The following DDB2 variants were observed in gnomAD, a reference collection of about 807,000 sequenced individuals.
The protein encoded by DDB2 is damage specific DNA binding protein 2.
A neutral mutation model predicts 50.5 loss-of-function variants in DDB2; 27 were observed. That is an observed-to-expected ratio of 0.53 (90% CI 0.39 to 0.74). The LOEUF is 0.74. Among genes scored for constraint, DDB2 ranks in the 30% least tolerant of loss-of-function variants. The pLI, the probability that DDB2 is intolerant of heterozygous loss-of-function variation, is 0.00. For missense variants in DDB2, 424 were observed against 545.6 expected, an observed-to-expected ratio of 0.78 and a Z score of 2.22; for synonymous variants, 176 against 205.5, an observed-to-expected ratio of 0.86 and a Z score of 1.23.
chr11:47,230,377 T>A (rs1033749486), intron 3 of DDB2, among the ~76,000 whole-genome samples: 2 of 152,202 alleles, frequency 1.3e-5, no homozygotes, highest in Non-Finnish European at 2.9e-5. Flanking sequence ...TTTTTGCAAC[T>A]CATTATCAAG....
intron 3 of DDB2, among the ~76,000 whole-genome samples, chr11:47,218,634 C>A (rs1054762869): frequency 5.3e-5 from 8 of 151,938 alleles, no homozygotes; most frequent in Non-Finnish European, 1.2e-4. Context: ...CCCTCTAGGA[C>A]CTTTAGCCAG....
At chr11:47,220,568 T>A (rs1038012896) in intron 3 of DDB2, 2 of 152,230 alleles carry the variant, frequency 1.3e-5, no homozygotes, top group African/African-American at 4.8e-5. Flanking sequence ...AAACTTTCTT[T>A]ACACTGTAAT....
At chr11:47,235,926 C>CTTTTTTTTTTTTT (rs10677833) in intron 7 of DDB2, 2 of 61,824 alleles carry the variant, frequency 3.2e-5, no homozygotes, top group African/African-American at 1.3e-4. Flanking sequence ...CAGGCTGATC[C>CTTTTTTTTTTTTT]TTTTTTTTTT....
Position 47,215,053 on chromosome 11 carries a change from C to T in DDB2, c.-84C>T. ...TGTGGCCCCGCAGTTTTGTAGTCCC[C>T]GCCTTGTTTCTCCCCAGAGGCCTCT... On this transcript the variant is annotated 5_prime_UTR_variant, in exon 1 of 10. Transcript: ENST00000256996. 6.2e-7 allele frequency: 1 copy of T among 1,604,604 alleles called. No homozygotes were observed. The highest frequency in any genetic ancestry group is 1.7e-5 in the Admixed American group (1 of 59,942).
At chr11:47,214,788 T>C (rs1267425041), upstream of DDB2, 5 of 336,466 alleles carry the variant, frequency 1.5e-5, no homozygotes, top group South Asian at 3.0e-5. Context: ...AAAAAAAAAA[T>C]CCATAAAGCC....
At chr11:47,230,517 A>G (rs952937457) in intron 3 of DDB2, among the ~76,000 whole-genome samples, 1 of 152,242 alleles carries the variant, frequency 6.6e-6, no homozygotes, top group Non-Finnish European at 1.5e-5. Flanking sequence ...TGGAATAAAC[A>G]GGTTTGAGAA....
In DDB2 at chr11:47,234,929, A is replaced by C. The variant is rs1565156594; in HGVS notation, c.875A>C (p.Asn292Thr). ...TCGCTGCCGCACAGGCATCCTGTCA[A>C]CGCAGGTGTGATATCCCAGACCTCA... The part of the protein sequence containing the change: ...LYSLPHRHPV[N>T]AACFSPDGAR... Residue 292 changes from asparagine (N) to threonine (T), a missense_variant, in exon 6 of 10, where the codon AAC becomes ACC. By Grantham distance (65) the Asn-to-Thr change is moderately conservative. Coordinates refer to ENST00000256996, the MANE Select transcript of DDB2 (RefSeq NM_000107.3). 5.0e-6 allele frequency: 8 copies of C among 1,614,164 alleles called. No individual in the cohort carries two copies. The highest frequency in any genetic ancestry group is 6.8e-6 in the Non-Finnish European group (8 of 1,180,028).
chr11:47,228,717 G>C (rs1398280453), intron 3 of DDB2, among the ~76,000 whole-genome samples: 1 of 150,856 alleles, frequency 6.6e-6, no homozygotes, highest in East Asian at 1.9e-4. Context: ...TGACTGTTGG[G>C]AGGCCGAGGC....
At chr11:47,222,119 A>T (rs1953494275) in intron 3 of DDB2, among the ~76,000 whole-genome samples, 1 of 152,226 alleles carries the variant, frequency 6.6e-6, no homozygotes, top group East Asian at 1.9e-4. Context: ...GGAGAGTGAT[A>T]GATAGATGAG....
At position 47,232,919 on chromosome 11, in the gene DDB2, G is replaced by A. The variant is rs768530307; in HGVS notation, c.562G>A (p.Gly188Ser). 1.2e-6 allele frequency: 2 copies of A among 1,614,180 alleles called. No individual in the cohort carries two copies. Among genetic ancestry groups the A allele is most frequent in the South Asian group, 2.2e-5 (2 of 91,078 alleles). Residue 188 changes from glycine (G) to serine (S), a missense_variant, in exon 4 of 10, where the codon GGC becomes AGC. Physicochemically the swap from Gly to Ser is moderately conservative, Grantham distance 56 (BLOSUM62 0). Coordinates refer to ENST00000256996, the MANE Select transcript of DDB2 (RefSeq NM_000107.3). ...EGTTRLQDFK[G>S]NILRVFASSD... ...AACAACTAGGCTGCAAGACTTTAAA[G>A]GCAACATTCTACGAGTTTTTGCCAG...
intron 3 of DDB2, among the ~76,000 whole-genome samples, chr11:47,226,347 C>T (rs1412860227): frequency 1.3e-5 from 2 of 151,602 alleles, no homozygotes; most frequent in Non-Finnish European, 2.9e-5. Context: ...ACAGCCTCAG[C>T]TTACTGCAAC....
At chr11:47,235,110 A>G in intron 6 of DDB2, 160 bp from the exon 7 acceptor site, 1 of 1,325,314 alleles carries the variant, frequency 7.5e-7, no homozygotes, top group Non-Finnish European at 1.1e-6. Context: ...GAGTTTCCAG[A>G]ATTTTTTTGT....
intron 3 of DDB2, among the ~76,000 whole-genome samples, chr11:47,231,131 A>C (rs895025703): frequency 5.6e-4 from 84 of 151,176 alleles, no homozygotes; most frequent in African/African-American, 1.7e-3. Flanking sequence ...AAAAAAAAAA[A>C]AAAAAAAAAA....
intron 4 of DDB2, 140 bp downstream of exon 4, chr11:47,233,099 C>G (rs1416478963): frequency 7.9e-6 from 8 of 1,007,646 alleles, no homozygotes; most frequent in Non-Finnish European, 1.3e-5. Flanking sequence ...CCTTCTTTCT[C>G]TTTCTCAAAC....
intron 3 of DDB2, chr11:47,217,546 G>A (rs1036636591): frequency 1.3e-5 from 2 of 153,270 alleles, no homozygotes; most frequent in African/African-American, 4.8e-5. Flanking sequence ...TTTTTCTAAT[G>A]CCTGTCCTTA....
chr11:47,234,677 G>A lies in DDB2; in HGVS notation c.702+5G>A, dbSNP rs764606058. On this transcript the variant is annotated splice_donor_5th_base_variant and intron_variant, in intron 5 of 9. Transcript: ENST00000256996. ...CTGAACATGGACGGCAAAGAGGTGC[G>A]TTCTCCGAGGTCCTGCCTTTCCCTC... The A allele has an allele frequency of 5.0e-6, 8 of 1,613,846 alleles. No individual in the cohort carries two copies. The highest frequency in any genetic ancestry group is 4.5e-5 in the East Asian group (2 of 44,884).
At chr11:47,227,541 A>G (rs1347080604) in intron 3 of DDB2, among the ~76,000 whole-genome samples, 1 of 132,132 alleles carries the variant, frequency 7.6e-6, no homozygotes, top group African/African-American at 2.9e-5. Flanking sequence ...ATGGAGTTTC[A>G]CTCTTGTCAC....
intron 3 of DDB2, among the ~76,000 whole-genome samples, chr11:47,220,930 C>A (rs189255733): frequency 8.5e-5 from 13 of 152,098 alleles, no homozygotes; most frequent in African/African-American, 2.9e-4. Flanking sequence ...GAGGCCGAGG[C>A]GGGTGGATCA....
intron 7 of DDB2, among the ~76,000 whole-genome samples, chr11:47,237,054 G>A (rs566912198): frequency 6.6e-6 from 1 of 152,344 alleles, no homozygotes; most frequent in South Asian, 2.1e-4. Context: ...TCTGGGGAAT[G>A]TGGGTTTCCT....
Sources: allele counts gnomAD v4.1 joint callset (sites outside exome capture counted in the v4.1 genomes callset), GRCh38; gene constraint gnomAD v4.1.1; transcripts MANE v1.5; gene names NCBI Gene and HGNC (gene_info 2026-07-23, HGNC 2026-07-21).